The following RBFOX1 variants were observed in gnomAD, a reference collection of about 807,000 sequenced individuals.
RBFOX1 encodes RNA binding protein fox-1 homolog 1.
RBFOX1 carries 8 observed loss-of-function variants against 57.7 expected under a neutral mutation model. The observed-to-expected ratio is 0.14, with a 90% CI of 0.08 to 0.25. The LOEUF (loss-of-function observed/expected upper bound fraction) is 0.25, where lower values mean the gene tolerates loss of function less well. Ranked by LOEUF, RBFOX1 falls within the 10% of genes least tolerant of loss-of-function variation. The probability of loss-of-function intolerance (pLI) is 1.00; values close to 1 mark genes in which losing one functional copy is unlikely to be tolerated. For missense variants in RBFOX1, 611 were observed against 548.5 expected, an observed-to-expected ratio of 1.11 and a Z score of -1.14; for synonymous variants, 326 against 222.4, an observed-to-expected ratio of 1.47 and a Z score of -4.15.
intron 2 of RBFOX1, among the ~76,000 whole-genome samples, chr16:6,472,281 G>A (rs1376060903): frequency 3.9e-5 from 6 of 152,318 alleles, no homozygotes; most frequent in Non-Finnish European, 5.9e-5. Flanking sequence ...ACCCTGCAGC[G>A]TTAGGGAGAA....
chr16:5,454,787 TTCTC>T (rs1178492716), intron 1 of RBFOX1, among the ~76,000 whole-genome samples: 1 of 150,924 alleles, frequency 6.6e-6, no homozygotes, highest in African/African-American at 2.4e-5. Flanking sequence ...CTTTCTTTCT[TTCTC>T]TTTCTTTCTT....
At chr16:5,607,979 C>G (rs1393022498) in intron 3 of RBFOX1, among the ~76,000 whole-genome samples, 1 of 152,166 alleles carries the variant, frequency 6.6e-6, no homozygotes, top group African/African-American at 2.4e-5. Context: ...TGCACTCGTG[C>G]ACCTGTTGTT....
chr16:7,614,059 G>T (rs959872994), intron 10 of RBFOX1, among the ~76,000 whole-genome samples: 11 of 152,084 alleles, frequency 7.2e-5, no homozygotes, highest in African/African-American at 2.7e-4. Flanking sequence ...TGCCCCTCTT[G>T]GCTCCAACAC....
chr16:7,247,703 G>A (rs1361642958), intron 4 of RBFOX1, among the ~76,000 whole-genome samples: 3 of 152,132 alleles, frequency 2.0e-5, no homozygotes, highest in East Asian at 3.9e-4. Flanking sequence ...AATGGAATAC[G>A]GGAAACATAG....
chr16:6,310,578 G>T (rs1249053804), intron 1 of RBFOX1, among the ~76,000 whole-genome samples: 1 of 152,104 alleles, frequency 6.6e-6, no homozygotes, highest in Non-Finnish European at 1.5e-5. Context: ...AAAAACTGAA[G>T]CTCCAAGCGG....
intron 2 of RBFOX1, among the ~76,000 whole-genome samples, chr16:6,649,647 A>G (rs1286418962): frequency 6.6e-6 from 1 of 152,216 alleles, no homozygotes; most frequent in Non-Finnish European, 1.5e-5. Context: ...TGTTTCACTT[A>G]GAATAATGGT....
At chr16:6,635,421 G>A (rs1245021771) in intron 2 of RBFOX1, among the ~76,000 whole-genome samples, 1 of 152,040 alleles carries the variant, frequency 6.6e-6, no homozygotes, top group African/African-American at 2.4e-5. Flanking sequence ...CAAAGACTTG[G>A]TGCCACAAGG....
intron 2 of RBFOX1, among the ~76,000 whole-genome samples, chr16:6,528,974 C>G (rs1479805771): frequency 5.3e-5 from 8 of 152,174 alleles, no homozygotes; most frequent in Non-Finnish European, 1.0e-4. Flanking sequence ...ATTTCTATTT[C>G]TCTACATGAA....
At chr16:6,489,568 T>G (rs970793625) in intron 2 of RBFOX1, among the ~76,000 whole-genome samples, 1 of 152,146 alleles carries the variant, frequency 6.6e-6, no homozygotes, top group Admixed American at 6.6e-5. Flanking sequence ...TCATGTACTT[T>G]AGTAATTTGA....
At chr16:6,241,618 G>T (rs13337594) in intron 1 of RBFOX1, among the ~76,000 whole-genome samples, 5,915 of 152,260 alleles carry the variant, frequency 0.039, 380 homozygotes, top group African/African-American at 0.13. Flanking sequence ...TCCCAAAGAC[G>T]TGGTGTTAAA....
intron 3 of RBFOX1, among the ~76,000 whole-genome samples, chr16:6,728,290 G>T (rs1332120740): frequency 6.6e-6 from 1 of 152,156 alleles, no homozygotes; most frequent in East Asian, 1.9e-4. Context: ...GGAAATACAA[G>T]GTTGCAGTTT....
rs141604630 is a variant in RBFOX1, at chr16:5,991,453, G to A, written c.351+124118G>A. ...CACTGCAGCTTTGTGCTGGGGAATG[G>A]CAATTAGCCTCTAGTTTGTTTGGAT... On this transcript the variant is annotated intron_variant, in intron 4 of 19. Coordinates refer to the RBFOX1 transcript ENST00000641259. Among the ~76,000 whole-genome samples the A allele has an allele frequency of 2.7e-3, 418 of 152,228 alleles. 1 individual carries two copies. Among genetic ancestry groups the A allele is most frequent in the Admixed American group, 4.1e-3 (63 of 15,292 alleles).
chr16:5,423,162 C>T (rs1281327110), intron 1 of RBFOX1, among the ~76,000 whole-genome samples: 1 of 151,854 alleles, frequency 6.6e-6, no homozygotes, highest in East Asian at 1.9e-4. Context: ...TAATTATGGA[C>T]TCAAGAAGTT....
chr16:6,850,621 G>A (rs567257205), intron 3 of RBFOX1, among the ~76,000 whole-genome samples: 1 of 152,166 alleles, frequency 6.6e-6, no homozygotes, highest in South Asian at 2.1e-4. Context: ...TTCCACAGAT[G>A]ACTCCTAATG....
chr16:6,644,000 C>A (rs2098513205), intron 2 of RBFOX1, among the ~76,000 whole-genome samples: 1 of 152,226 alleles, frequency 6.6e-6, no homozygotes, highest in Non-Finnish European at 1.5e-5. Flanking sequence ...GTAGCATGCA[C>A]CTGTAATCCC....
intron 4 of RBFOX1, among the ~76,000 whole-genome samples, chr16:7,305,365 A>G (rs1003861601): frequency 9.2e-5 from 14 of 152,056 alleles, no homozygotes; most frequent in African/African-American, 3.4e-4. Flanking sequence ...CTGCCCTTGT[A>G]GGGTGACAGG....
At chr16:7,097,966 T>G (rs2151285349) in intron 4 of RBFOX1, among the ~76,000 whole-genome samples, 1 of 152,216 alleles carries the variant, frequency 6.6e-6, no homozygotes, top group African/African-American at 2.4e-5. Flanking sequence ...AGTTTAATAA[T>G]AGTGAGTGTT....
At chr16:7,363,495 GA>G (rs138475943) in intron 4 of RBFOX1, among the ~76,000 whole-genome samples, 5 of 149,360 alleles carry the variant, frequency 3.3e-5, no homozygotes, top group South Asian at 2.1e-4. Context: ...GCTAATAAAG[GA>G]AAAAAAAAAT....
intron 4 of RBFOX1, among the ~76,000 whole-genome samples, chr16:7,455,050 G>A (rs2058220895): frequency 6.6e-6 from 1 of 152,178 alleles, no homozygotes; most frequent in African/African-American, 2.4e-5. Flanking sequence ...CTACCTATGT[G>A]TCAGGTACCA....
Sources: gnomAD v4.1 joint callset for allele counts (sites outside exome capture counted in the v4.1 genomes callset) on GRCh38, gnomAD v4.1.1 for gene constraint, MANE v1.5 for transcripts, NCBI Gene and HGNC (gene_info 2026-07-23, HGNC 2026-07-21) for gene names.